TMEM176B: variants seen among roughly 807,000 people sequenced by gnomAD.
TMEM176B encodes LR8-like protein.
In TMEM176B, 28 loss-of-function variants were observed where a neutral mutation model predicts 30.3. The ratio of observed to expected loss-of-function variants is 0.92; its 90% CI spans 0.68 to 1.27. TMEM176B has a LOEUF of 1.27. Among genes scored for constraint, TMEM176B ranks in the 50% most tolerant of loss-of-function variants. The pLI, the probability that TMEM176B is intolerant of heterozygous loss-of-function variation, is 0.00. For missense variants in TMEM176B, 349 were observed against 327.4 expected (o/e 1.07, Z -0.51); for synonymous variants, 123 against 130.3 (o/e 0.94, Z 0.38).
chr7:150,798,382 C>A (rs147255475), intron 1 of TMEM176B, among the ~76,000 whole-genome samples: 8,324 of 152,178 alleles, frequency 0.055, 700 homozygotes, highest in African/African-American at 0.18. Context: ...CCCGGGTTCA[C>A]GCCATTCTCC....
chr7:150,798,391 C>G (rs550013166), intron 1 of TMEM176B, among the ~76,000 whole-genome samples: 3 of 152,294 alleles, frequency 2.0e-5, no homozygotes, highest in African/African-American at 7.2e-5. Context: ...ACGCCATTCT[C>G]CTGCCTCAGC....
At position 150,793,560 on chromosome 7, in the gene TMEM176B, T is replaced by A; in HGVS notation, c.356A>T (p.His119Leu). 4 of 1,613,528 alleles carry A rather than the reference T, an allele frequency of 2.5e-6. No individual in the cohort carries two copies. The highest frequency in any genetic ancestry group is 3.4e-6 in the Non-Finnish European group (4 of 1,179,790). The change falls in exon 4 of 7, where the codon CAC becomes CTC. Residue 119 changes from histidine (H) to leucine (L), a missense_variant. Coordinates refer to ENST00000326442, the MANE Select transcript of TMEM176B (RefSeq NM_001101312.2). ...AAGACTCACAGCAAGTTTGCCCGGG[T>A]GCTTCTCATGGACAATGGCCCCAGC... is the stretch of plus-strand genomic sequence containing the variant. ...AGAGAIVHEK[H>L]PGKLAGYISS...
chr7:150,793,483 A>G (rs1798398631), intron 4 of TMEM176B, 61 bp downstream of exon 4: 26 of 1,591,424 alleles, frequency 1.6e-5, no homozygotes, highest in South Asian at 2.2e-5. Flanking sequence ...AAGACAGATA[A>G]TGGAGCAGAA....
chr7:150,795,351 T>C (rs994411725), intron 2 of TMEM176B, among the ~76,000 whole-genome samples: 2 of 152,234 alleles, frequency 1.3e-5, no homozygotes, highest in Non-Finnish European at 2.9e-5. Context: ...CTATGCCTTC[T>C]GGCCTCTTTG....
rs35085575 is a variant in TMEM176B at position 150,793,312 on chromosome 7, A to T, written c.376T>A (p.Tyr126Asn). ...HEKHPGKLAGYISSLLTLAGF... is the reference protein window; with the variant it reads ...HEKHPGKLAGNISSLLTLAGF... ...GCCAGGGTGAGCAGGCTGGATATAT[A>T]GCCCTGGAAGAGAAAGAGGGTCATG... The change falls in exon 5 of 7, where the codon TAT becomes AAT. Residue 126 changes from tyrosine (Y) to asparagine (N), a missense_variant. Tyr to Asn is a moderately radical substitution (Grantham distance 143). Coordinates refer to ENST00000326442, the MANE Select transcript of TMEM176B (RefSeq NM_001101312.2). The T allele has an allele frequency of 2.7e-5, 43 of 1,613,628 alleles. No homozygotes were observed. Among genetic ancestry groups the T allele is most frequent in the Non-Finnish European group, 5.9e-6 (7 of 1,179,800 alleles).
chr7:150,796,962 C>CA (rs1205734317), intron 1 of TMEM176B, among the ~76,000 whole-genome samples: 1 of 150,068 alleles, frequency 6.7e-6, no homozygotes, highest in Non-Finnish European at 1.5e-5. Context: ...TCAAAAAAAA[C>CA]AAAAACAAAC....
At chr7:150,791,915 G>T (rs1798326030) in intron 6 of TMEM176B, 141 bp downstream of exon 6, 2 of 1,275,870 alleles carry the variant, frequency 1.6e-6, no homozygotes, top group East Asian at 2.5e-5. Context: ...GACAGCAAAG[G>T]GGAGAGCTGC....
At position 150,793,069 on chromosome 7, in the gene TMEM176B, C is replaced by A; in HGVS notation, c.600+19G>T. 6.2e-7 allele frequency: 1 copy of A among 1,612,718 alleles called. No homozygotes were observed. The highest frequency in any genetic ancestry group is 8.5e-7 in the Non-Finnish European group (1 of 1,178,870). ...AAGAGCTGTGATGGGTCCCCGAAGACTGGACTCTTCCTGCTCACCCTCAGC... is the reference window on the plus strand; with the variant it reads ...AAGAGCTGTGATGGGTCCCCGAAGAATGGACTCTTCCTGCTCACCCTCAGC... On this transcript the variant is annotated intron_variant, in intron 5 of 6. Transcript: ENST00000326442.
In TMEM176B at chr7:150,791,463, G is replaced by C; in HGVS notation, c.*68C>G. Reference sequence around the variant, plus strand: ...GCCATAGGGGAGGCAAGTGTGAGGAGCCAGGAGTGGGGGCCCTGGGCTGCC... The same window carrying C: ...GCCATAGGGGAGGCAAGTGTGAGGACCCAGGAGTGGGGGCCCTGGGCTGCC... On this transcript the variant is annotated 3_prime_UTR_variant, in exon 7 of 7. Transcript: ENST00000326442. 1.5e-6 allele frequency: 2 copies of C among 1,363,568 alleles called. No homozygotes were observed. The highest frequency in any genetic ancestry group is 2.1e-6 in the Non-Finnish European group (2 of 969,686). The allele number at this position is 1,363,568 out of a possible 1,614,324, so 84.5% of individuals were successfully genotyped here.
intron 1 of TMEM176B, among the ~76,000 whole-genome samples, chr7:150,798,267 A>AT (rs963001235): frequency 6.6e-6 from 1 of 151,772 alleles, no homozygotes; most frequent in African/African-American, 2.4e-5. Flanking sequence ...CTTTTATTTC[A>AT]TTTTTTTATT....
chr7:150,793,995 C>A lies in TMEM176B; in HGVS notation c.281G>T (p.Ser94Ile), dbSNP rs770220387. Residue 94 changes from serine (S) to isoleucine (I), a missense_variant, in exon 3 of 7, where the codon AGT (serine) becomes ATT (isoleucine). By Grantham distance (142) the Ser-to-Ile change is moderately radical. Coordinates refer to ENST00000326442, the MANE Select transcript of TMEM176B (RefSeq NM_001101312.2). ...CGCCCAGAAGGCACAGCCTGAGGCA[C>A]TCAGCACAGTCCAGGGCCCCAAGCT... ...CLSLGPWTVL[S>I]ASGCAFWAGS... is the part of the protein sequence containing the mutation. 1 of 1,613,690 alleles carries A rather than the reference C, an allele frequency of 6.2e-7. No individual in the cohort carries two copies. The highest frequency in any genetic ancestry group is 8.5e-7 in the Non-Finnish European group (1 of 1,179,792).
upstream of TMEM176B, chr7:150,800,487 G>C (rs1249049684): frequency 6.6e-6 from 1 of 152,140 alleles, no homozygotes; most frequent in African/African-American, 2.4e-5. Flanking sequence ...GGAGCGGACC[G>C]GGCGGGAGAA....
At chr7:150,794,702 G>A (rs1213153690) in intron 2 of TMEM176B, among the ~76,000 whole-genome samples, 4 of 151,140 alleles carry the variant, frequency 2.6e-5, no homozygotes, top group African/African-American at 9.9e-5. Context: ...CACTGGCCTG[G>A]CAGAGTCTGC....
rs201451617 is a variant in TMEM176B at position 150,796,391 on chromosome 7, A to G, written c.179T>C (p.Ile60Thr). 2.3e-5 allele frequency: 37 copies of G among 1,614,080 alleles called. No individual in the cohort carries two copies. The highest frequency in any genetic ancestry group is 6.7e-5 in the Admixed American group (4 of 60,018). ...CCCTAGAGCCAGCTGCTCATAACCA[A>G]TCCTGGCTGTGGAAGGCACAGTGTC... Reference protein sequence around the residue: ...PGDTVPSTARIGYEQLALGVT... With the variant: ...PGDTVPSTARTGYEQLALGVT... Residue 60 changes from isoleucine (I) to threonine (T), a missense_variant, in exon 2 of 7, where the codon ATT becomes ACT. Transcript: ENST00000326442.
Position 150,793,956 on chromosome 7 carries a change from C to T in TMEM176B, c.315+5G>A. On this transcript the variant is annotated splice_donor_5th_base_variant and intron_variant, in intron 3 of 6. Transcript: ENST00000326442. ...CTCCAGGCTCACAGCCTGTTCCTTA[C>T]TCACCACAGACCCCGCCCAGAAGGC... 2 of 1,593,072 alleles carry T rather than the reference C, an allele frequency of 1.3e-6. No individual in the cohort carries two copies. Among genetic ancestry groups the T allele is most frequent in the South Asian group, 1.1e-5 (1 of 87,754 alleles).
intron 4 of TMEM176B, 71 bp downstream of exon 4, chr7:150,793,473 A>C (rs1798398083): frequency 1.3e-6 from 2 of 1,580,108 alleles, no homozygotes; most frequent in Non-Finnish European, 1.7e-6. Context: ...CAAAGGGCAG[A>C]AGACAGATAA....
intron 2 of TMEM176B, among the ~76,000 whole-genome samples, chr7:150,794,931 ACACACAC>A (rs1256250990): frequency 6.6e-6 from 1 of 150,944 alleles, no homozygotes; most frequent in African/African-American, 2.4e-5. Context: ...ACACACACAC[ACACACAC>A]ACACACACAC....
chr7:150,794,139 G>A lies in TMEM176B; in HGVS notation c.205-68C>T, dbSNP rs539531641. On this transcript the variant is annotated intron_variant, in intron 2 of 6. Transcript: ENST00000326442. Reference sequence around the variant, plus strand: ...ACATGCCCCGGCTGCCCTGGGACCAGCTGCCTGGCTCCTACCTAGGTGGCT... The same window carrying A: ...ACATGCCCCGGCTGCCCTGGGACCAACTGCCTGGCTCCTACCTAGGTGGCT... 2.0e-5 allele frequency: 25 copies of A among 1,259,282 alleles called. No individual in the cohort carries two copies. The Middle Eastern group carries it at 5.7e-4, about 29-fold the overall frequency. The allele number at this position is 1,259,282 out of a possible 1,614,324, so 78.0% of individuals were successfully genotyped here.
intron 3 of TMEM176B, 29 bp downstream of exon 3, chr7:150,793,932 T>C: frequency 6.5e-7 from 1 of 1,549,346 alleles, no homozygotes; most frequent in Non-Finnish European, 8.7e-7. Flanking sequence ...CTTGCCTCCC[T>C]CCAGGCTCAC....
Sources: gnomAD v4.1 joint callset for allele counts (sites outside exome capture counted in the v4.1 genomes callset) on GRCh38, gnomAD v4.1.1 for gene constraint, MANE v1.5 for transcripts, NCBI Gene and HGNC (gene_info 2026-07-23, HGNC 2026-07-21) for gene names.